Variants in TMEM131L observed in about 807,000 individuals in gnomAD.
TMEM131L encodes the protein transmembrane 131 like.
TMEM131L carries 54 observed loss-of-function variants against 192.2 expected under a neutral mutation model. The observed-to-expected ratio is 0.28, with a 90% CI of 0.23 to 0.35. TMEM131L has a LOEUF of 0.35. Ranked by LOEUF, TMEM131L falls within the 10% of genes least tolerant of loss-of-function variation. The probability of loss-of-function intolerance (pLI) is 1.00; values close to 1 mark genes in which losing one functional copy is unlikely to be tolerated. For missense variants in TMEM131L, 1,888 were observed against 1,972.9 expected (o/e 0.96, Z 0.82); for synonymous variants, 701 against 704.9 (o/e 0.99, Z 0.09).
chr4:153,602,486 T>G, intron 22 of TMEM131L, 56 bp from the exon 23 acceptor site: 1 of 1,579,260 alleles, frequency 6.3e-7, no homozygotes, highest in Non-Finnish European at 8.7e-7. Flanking sequence ...TTATTTTGCC[T>G]TGTGGCTAAA....
At chr4:153,575,049 T>G (rs760809537) in intron 7 of TMEM131L, among the ~76,000 whole-genome samples, 9 of 152,248 alleles carry the variant, frequency 5.9e-5, no homozygotes, top group Admixed American at 2.0e-4. Context: ...ATGTGGTTAT[T>G]ACCAGGAACA....
intron 33 of TMEM131L, among the ~76,000 whole-genome samples, chr4:153,634,618 CTCT>C (rs370409508): frequency 2.5e-4 from 38 of 152,318 alleles, no homozygotes; most frequent in African/African-American, 8.9e-4. Flanking sequence ...TAGCTGCTCG[CTCT>C]TCTTTTTAGG....
intron 7 of TMEM131L, among the ~76,000 whole-genome samples, chr4:153,570,197 G>T (rs931028938): frequency 6.6e-6 from 1 of 152,088 alleles, no homozygotes; most frequent in Admixed American, 6.6e-5. Context: ...TTAATGAAAC[G>T]CACAAGAATA....
chr4:153,631,219 A>G (rs543152288), intron 31 of TMEM131L, among the ~76,000 whole-genome samples: 68 of 152,250 alleles, frequency 4.5e-4, no homozygotes, highest in Non-Finnish European at 9.0e-4. Context: ...TCAGTGAGCC[A>G]GGCCCAGGCA....
intron 7 of TMEM131L, among the ~76,000 whole-genome samples, chr4:153,570,988 G>T (rs74531442): frequency 0.028 from 4,232 of 151,940 alleles, 203 homozygotes; most frequent in African/African-American, 0.097. Context: ...AGCTTTTTGT[G>T]TTGCTCTCTT....
intron 2 of TMEM131L, among the ~76,000 whole-genome samples, chr4:153,473,341 G>T (rs187556134): frequency 6.9e-4 from 105 of 152,348 alleles, no homozygotes; most frequent in African/African-American, 2.1e-3. Flanking sequence ...TGCAGGCAGA[G>T]AAGAAAGCTG....
At chr4:153,614,352 G>C (rs964476826) in intron 26 of TMEM131L, among the ~76,000 whole-genome samples, 2 of 152,230 alleles carry the variant, frequency 1.3e-5, no homozygotes, top group African/African-American at 4.8e-5. Context: ...GAAGGTGGTG[G>C]TATCCGTAGA....
At chr4:153,608,677 C>T (rs1732407275) in intron 25 of TMEM131L, among the ~76,000 whole-genome samples, 1 of 152,066 alleles carries the variant, frequency 6.6e-6, no homozygotes, top group East Asian at 1.9e-4. Context: ...GCAGAAATTC[C>T]AAAAATGTTC....
At chr4:153,504,266 CTTTTTTTTTTTTT>C (rs531620464) in intron 3 of TMEM131L, among the ~76,000 whole-genome samples, 248 of 42,638 alleles carry the variant, frequency 5.8e-3, no homozygotes, top group African/African-American at 0.02. Context: ...CGCGGTCGGC[CTTTTTTTTTTTTT>C]TTTTTTTTTT....
chr4:153,582,430 GTTGTTTTTT>G (rs1730415639), intron 9 of TMEM131L, among the ~76,000 whole-genome samples: 1 of 38,534 alleles, frequency 2.6e-5, no homozygotes. Context: ...GTTTTTTTTT[GTTGTTTTTT>G]TTTTTTTTTT....
chr4:153,503,662 T>C (rs1268502641), intron 3 of TMEM131L, among the ~76,000 whole-genome samples: 1 of 152,218 alleles, frequency 6.6e-6, no homozygotes, highest in African/African-American at 2.4e-5. Flanking sequence ...ACTAGTGATA[T>C]GATTTGGGGC....
At chr4:153,532,076 A>G (rs776923264) in intron 3 of TMEM131L, among the ~76,000 whole-genome samples, 6 of 152,186 alleles carry the variant, frequency 3.9e-5, no homozygotes, top group Admixed American at 1.3e-4. Context: ...AGCAGGGGTT[A>G]TATGTCAAAT....
intron 3 of TMEM131L, among the ~76,000 whole-genome samples, chr4:153,478,437 T>C (rs1678036033): frequency 6.6e-6 from 1 of 152,180 alleles, no homozygotes; most frequent in Admixed American, 6.5e-5. Context: ...ATAGAAAAAT[T>C]ACAAAGATAG....
At chr4:153,632,631 TTTTC>T in intron 31 of TMEM131L, 83 bp from the exon 32 acceptor site, 2 of 1,527,294 alleles carry the variant, frequency 1.3e-6, no homozygotes, top group Non-Finnish European at 1.8e-6. Flanking sequence ...TTAGGGAGTG[TTTTC>T]TGGAGGGAAG....
chr4:153,595,810 G>A (rs1369240657), intron 19 of TMEM131L, among the ~76,000 whole-genome samples: 1 of 151,366 alleles, frequency 6.6e-6, no homozygotes, highest in African/African-American at 2.4e-5. Flanking sequence ...ATATAATAAA[G>A]ATGATTTCTA....
intron 3 of TMEM131L, among the ~76,000 whole-genome samples, chr4:153,492,823 G>A (rs965445491): frequency 2.6e-5 from 4 of 152,138 alleles, no homozygotes; most frequent in Non-Finnish European, 5.9e-5. Flanking sequence ...GCTGGGGGCA[G>A]GGTGGAAAGA....
chr4:153,600,228 A>G (rs985977464), intron 21 of TMEM131L, among the ~76,000 whole-genome samples: 6 of 152,058 alleles, frequency 3.9e-5, no homozygotes, highest in African/African-American at 9.7e-5. Context: ...TTAGCTAGGC[A>G]TGGTGGCAGA....
intron 3 of TMEM131L, among the ~76,000 whole-genome samples, chr4:153,513,700 G>A (rs1156687079): frequency 6.6e-6 from 1 of 152,208 alleles, no homozygotes; most frequent in East Asian, 1.9e-4. Context: ...AATTGACAAG[G>A]ATAATGTGTT....
chr4:153,621,632 G>A, intron 27 of TMEM131L, 51 bp from the exon 28 acceptor site: 1 of 1,589,044 alleles, frequency 6.3e-7, no homozygotes, highest in Non-Finnish European at 8.6e-7. Flanking sequence ...GTCTGCATGT[G>A]TACATGATAA....
Sources: gnomAD v4.1 joint callset for allele counts (sites outside exome capture counted in the v4.1 genomes callset) on GRCh38, gnomAD v4.1.1 for gene constraint, MANE v1.5 for transcripts, NCBI Gene and HGNC (gene_info 2026-07-23, HGNC 2026-07-21) for gene names.